ZNF705A: variants seen among roughly 807,000 people sequenced by gnomAD.
ZNF705A encodes zinc finger protein 705A.
Under a neutral mutation model 16.6 loss-of-function variants are expected in ZNF705A, and 8 were observed. That is an observed-to-expected ratio of 0.48 (90% confidence interval 0.28 to 0.87). The LOEUF (loss-of-function observed/expected upper bound fraction) is 0.87. ZNF705A is among the 40% of genes least tolerant of loss of function. The pLI is 0.10. For synonymous variants in ZNF705A, 73 were observed against 117.3 expected (o/e 0.62, Z 2.44); for missense variants, 233 against 359.9 (o/e 0.65, Z 2.85).
upstream of ZNF705A, among the ~76,000 whole-genome samples, chr12:8,171,604 A>C (rs1265143138): frequency 2.6e-5 from 4 of 152,224 alleles, no homozygotes. Flanking sequence ...GACTGTATGC[A>C]CAGGACAGAA....
intron 1 of ZNF705A, among the ~76,000 whole-genome samples, chr12:8,158,445 C>T (rs755364590): frequency 1.4e-4 from 22 of 152,000 alleles, no homozygotes; most frequent in Non-Finnish European, 2.8e-4. Flanking sequence ...TGAGATTTAT[C>T]TATGTTATTT....
intron 1 of ZNF705A, among the ~76,000 whole-genome samples, chr12:8,160,084 C>G (rs1948341762): frequency 6.6e-6 from 1 of 152,078 alleles, no homozygotes; most frequent in Admixed American, 6.6e-5. Context: ...AAAGGGTGTT[C>G]TTTCCCCACT....
chr12:8,168,103 G>A (rs760020901), upstream of ZNF705A, among the ~76,000 whole-genome samples: 213 of 152,256 alleles, frequency 1.4e-3, no homozygotes, highest in African/African-American at 5.1e-3. Flanking sequence ...CTTTTCCGGT[G>A]GAGTGTGCCC....
chr12:8,165,984 A>C (rs1263055368), intron 1 of ZNF705A, among the ~76,000 whole-genome samples: 1 of 152,212 alleles, frequency 6.6e-6, no homozygotes, highest in African/African-American at 2.4e-5. Flanking sequence ...ATATGAGTGC[A>C]CACATCTTTA....
intron 1 of ZNF705A, 129 bp downstream of exon 2, chr12:8,172,766 C>A: frequency 6.9e-7 from 1 of 1,457,760 alleles, no homozygotes; most frequent in South Asian, 1.3e-5. Context: ...ATGTAAAATC[C>A]ACCTAGCCTG....
upstream of ZNF705A, among the ~76,000 whole-genome samples, chr12:8,171,485 C>T (rs1591624400): frequency 1.3e-5 from 2 of 152,110 alleles, no homozygotes; most frequent in East Asian, 3.9e-4. Context: ...TAATATAAAC[C>T]ACGATTGCAA....
chr12:8,164,054 C>A (rs910193895), intron 1 of ZNF705A, among the ~76,000 whole-genome samples: 5 of 151,992 alleles, frequency 3.3e-5, no homozygotes, highest in African/African-American at 1.2e-4. Context: ...CTCCCTGAGT[C>A]CCCCCCTTTA....
At chr12:8,169,834 A>G (rs11043731), upstream of ZNF705A, among the ~76,000 whole-genome samples, 12,275 of 152,140 alleles carry the variant, frequency 0.081, 1,372 homozygotes, top group African/African-American at 0.25. Context: ...TAATTTTTAC[A>G]GTTGCCGTTA....
At chr12:8,167,854 G>T (rs756777046), upstream of ZNF705A, among the ~76,000 whole-genome samples, 2 of 152,330 alleles carry the variant, frequency 1.3e-5, no homozygotes, top group East Asian at 1.9e-4. Flanking sequence ...ATTTAAAAAG[G>T]CTTTAGAACA....
At chr12:8,168,158 C>A (rs1283401333), upstream of ZNF705A, among the ~76,000 whole-genome samples, 1 of 152,142 alleles carries the variant, frequency 6.6e-6, no homozygotes, top group African/African-American at 2.4e-5. Flanking sequence ...ACATGCACGC[C>A]CAAGAAGTTG....
chr12:8,159,759 T>A (rs1472415979), intron 1 of ZNF705A, among the ~76,000 whole-genome samples: 1 of 152,170 alleles, frequency 6.6e-6, no homozygotes, highest in African/African-American at 2.4e-5. Context: ...TGTGAAGATT[T>A]TCTCCCAGTC....
intron 1 of ZNF705A, among the ~76,000 whole-genome samples, chr12:8,162,417 A>G (rs1948363502): frequency 6.6e-6 from 1 of 152,182 alleles, no homozygotes; most frequent in Non-Finnish European, 1.5e-5. Context: ...GGCCTCATTA[A>G]CAGTAAAGGC....
rs755256413 is a variant in ZNF705A, at chr12:8,163,150, A to T, written c.-72+6058A>T. Among the ~76,000 whole-genome samples the T allele has an allele frequency of 2.1e-4, 32 of 152,272 alleles. No individual in the cohort carries two copies. The East Asian group carries it at 5.8e-3, about 28-fold the overall frequency. ...GATCTATTACTAACTGGAGGTATGG[A>T]TATAGTCAGGAAAATTGTCTTCCTT... On this transcript the variant is annotated intron_variant, in intron 1 of 5. Transcript: ENST00000396570.
At chr12:8,158,157 C>T (rs1948325238) in intron 1 of ZNF705A, among the ~76,000 whole-genome samples, 1 of 152,118 alleles carries the variant, frequency 6.6e-6, no homozygotes, top group Admixed American at 6.5e-5. Context: ...TGTGTTTGCT[C>T]TCATTTTAAT....
chr12:8,174,591 C>G, intron 2 of ZNF705A, 139 bp downstream of exon 3: 1 of 1,522,002 alleles, frequency 6.6e-7, no homozygotes, highest in South Asian at 1.2e-5. Context: ...AAAGTTTGAA[C>G]TTTCTAAATC....
intron 1 of ZNF705A, among the ~76,000 whole-genome samples, chr12:8,167,026 G>C (rs1181931919): frequency 6.6e-6 from 1 of 152,190 alleles, no homozygotes; most frequent in African/African-American, 2.4e-5. Context: ...AGTGCTACAT[G>C]ACCCCTATAA....
At chr12:8,170,196 C>CAAAAAAAAAAAAAAAA (rs1188328005), upstream of ZNF705A, among the ~76,000 whole-genome samples, 34 of 126,526 alleles carry the variant, frequency 2.7e-4, 7 homozygotes, top group African/African-American at 1.1e-3. Flanking sequence ...CCCCCCCCCC[C>CAAAAAAAAAAAAAAAA]AAAAAAAAAA....
chr12:8,159,659 T>TTTA (rs1177640768), intron 1 of ZNF705A, among the ~76,000 whole-genome samples: 5 of 107,390 alleles, frequency 4.7e-5, no homozygotes, highest in Non-Finnish European at 9.2e-5. Flanking sequence ...GATGGGATTG[T>TTTA]TTGTTTTCTT....
intron 1 of ZNF705A, among the ~76,000 whole-genome samples, chr12:8,162,695 G>T (rs1010437436): frequency 2.0e-5 from 3 of 152,126 alleles, no homozygotes; most frequent in Non-Finnish European, 4.4e-5. Context: ...AGGAGTCAAA[G>T]AAAGCCACAA....
Sources: gnomAD v4.1 joint callset for allele counts (sites outside exome capture counted in the v4.1 genomes callset) on GRCh38, gnomAD v4.1.1 for gene constraint, MANE v1.5 for transcripts, NCBI Gene and HGNC (gene_info 2026-07-23, HGNC 2026-07-21) for gene names.